Variants in GATA4 observed in about 807,000 individuals in gnomAD.
GATA4 encodes GATA binding protein 4.
GATA4 carries 7 observed loss-of-function variants against 37.9 expected under a neutral mutation model. That is an observed-to-expected ratio of 0.18 (90% CI 0.11 to 0.35). The LOEUF is 0.35. Among genes scored for constraint, GATA4 ranks in the 10% least tolerant of loss-of-function variants. The probability of loss-of-function intolerance (pLI) is 1.00; values close to 1 mark genes in which losing one functional copy is unlikely to be tolerated. For synonymous variants in GATA4, 372 were observed against 292.6 expected (o/e 1.27, Z -2.77); for missense variants, 647 against 653.0 (o/e 0.99, Z 0.10).
At chr8:11,725,096 G>C (rs907389283) in intron 2 of GATA4, among the ~76,000 whole-genome samples, 2 of 152,224 alleles carry the variant, frequency 1.3e-5, no homozygotes, top group Admixed American at 6.5e-5. Flanking sequence ...GTCATGGAAG[G>C]AGTCACGCTC....
chr8:11,705,211 G>A (rs1159271493), intron 1 of GATA4, among the ~76,000 whole-genome samples: 4 of 152,232 alleles, frequency 2.6e-5, no homozygotes, highest in Admixed American at 2.6e-4. Flanking sequence ...AGCGCCTCGG[G>A]GAAGTGTTTC....
Position 11,756,937 on chromosome 8 carries a change from C to A in GATA4, c.1003C>A (p.Pro335Thr). ...NLNKSKTPAAPSGSESLPPAS... is the reference protein window; with the variant it reads ...NLNKSKTPAATSGSESLPPAS... The stretch of plus-strand genomic sequence containing the variant: ...GTGCTGACTCTGCTTCATTCCAGCT[C>A]CTTCAGGCAGTGAGAGCCTTCCTCC... The change falls in exon 6 of 7, where the codon CCT becomes ACT. Residue 335 changes from proline to threonine, a missense_variant and splice_region_variant. Physicochemically the swap from Pro to Thr is conservative, Grantham distance 38 (BLOSUM62 -1). This residue lies in a region of GATA4 where 184 missense variants were observed against 157.1 expected (regional missense o/e 1.17). Transcript: ENST00000532059. 6.2e-7 allele frequency: 1 copy of A among 1,614,266 alleles called. No individual in the cohort carries two copies. Among genetic ancestry groups the A allele is most frequent in the Non-Finnish European group, 8.5e-7 (1 of 1,180,052 alleles).
rs926333608 is a variant in GATA4 at position 11,709,582 on chromosome 8, G to T, written c.616+654G>T. 1.3e-5 allele frequency among the ~76,000 whole-genome samples: 2 copies of T among 151,978 alleles called. No homozygotes were observed. Among genetic ancestry groups the T allele is most frequent in the African/African-American group, 2.4e-5 (1 of 41,418 alleles). ...GGCGCATCATGCGGGCAGCGGGGGG[G>T]GGGGCGCACACGCCCGGTCAGTGTC... On this transcript the variant is annotated intron_variant, in intron 2 of 6. Transcript: ENST00000532059. This position sits in a 1 kb window ranked among gnomAD's most constrained non-coding sequence, Gnocchi z 4.3.
intron 6 of GATA4, 33 bp from the exon 7 acceptor site, chr8:11,758,260 C>T: frequency 6.2e-7 from 1 of 1,613,140 alleles, no homozygotes; most frequent in South Asian, 1.1e-5. Flanking sequence ...GGAGCGTCTC[C>T]ATGGGCCTCA....
rs1227628431 is a variant in GATA4 at position 11,758,703 on chromosome 8, G to A, written c.*228G>A. ...CTGGAGGGAGCCCACCCTTCAGCAC[G>A]AGCACACTGCATCTCTCCTGTGAGT... On this transcript the variant is annotated 3_prime_UTR_variant, in exon 7 of 7. Transcript: ENST00000532059. The A allele has an allele frequency of 2.6e-5, 15 of 587,166 alleles. No individual in the cohort carries two copies. Among genetic ancestry groups the A allele is most frequent in the Admixed American group, 2.5e-4 (9 of 36,598 alleles). The allele number at this position is 587,166 out of a possible 1,614,324, so 36.4% of individuals were successfully genotyped here. A position where few individuals can be genotyped will look rare whatever the true frequency, so the allele number is the denominator to read the frequency against.
At chr8:11,740,112 G>A (rs1389547279) in intron 2 of GATA4, among the ~76,000 whole-genome samples, 2 of 152,198 alleles carry the variant, frequency 1.3e-5, no homozygotes, top group East Asian at 3.9e-4. Flanking sequence ...TTGTATCTGA[G>A]CCTGAAGCCG....
intron 1 of GATA4, chr8:11,681,190 C>G (rs551656092): frequency 1.0e-6 from 1 of 985,400 alleles, no homozygotes; most frequent in African/African-American, 1.7e-5. Flanking sequence ...AGTCACAGGC[C>G]CTGGCCCGCG....
intron 2 of GATA4, among the ~76,000 whole-genome samples, chr8:11,747,271 C>T (rs1262661495): frequency 6.6e-6 from 1 of 152,122 alleles, no homozygotes; most frequent in East Asian, 1.9e-4. Context: ...ATAGAGACTA[C>T]GGGGAGCAAG....
chr8:11,732,784 A>T (rs570715657), intron 2 of GATA4, among the ~76,000 whole-genome samples: 1 of 152,336 alleles, frequency 6.6e-6, no homozygotes, highest in African/African-American at 2.4e-5. Context: ...AGATGAAAAG[A>T]ACCCCCCAAA....
Position 11,708,736 on chromosome 8 carries a change from G to A in GATA4, c.424G>A (p.Gly142Ser), listed in dbSNP as rs1585596441. The change falls in exon 2 of 7, where the codon GGC (glycine) becomes AGC (serine). Residue 142 changes from glycine (G) to serine (S), a missense_variant. Gly to Ser is a moderately conservative substitution (Grantham distance 56). Coordinates refer to ENST00000532059, the MANE Select transcript of GATA4 (RefSeq NM_001308093.3). This position sits in a 1 kb window ranked among gnomAD's most constrained non-coding sequence, Gnocchi z 6.7. ...YSSGGGAAGA[G>S]LAGREQYGRA... ...CAGTGGCGGCGGAGCGGCGGGTGCG[G>A]GCCTGGCGGGCCGCGAGCAGTACGG... is the stretch of plus-strand genomic sequence containing the variant. The A allele has an allele frequency of 5.3e-6, 7 of 1,316,640 alleles. No homozygotes were observed. The East Asian group carries it at 1.3e-4, about 24-fold the overall frequency. The allele number at this position is 1,316,640 out of a possible 1,614,324, so 81.6% of individuals were successfully genotyped here.
At chr8:11,680,129 C>T (rs1165643630) in intron 1 of GATA4, among the ~76,000 whole-genome samples, 1 of 152,236 alleles carries the variant, frequency 6.6e-6, no homozygotes, top group East Asian at 1.9e-4. Flanking sequence ...GCGCAGCCCG[C>T]GGGGAAAACA....
upstream of GATA4, among the ~76,000 whole-genome samples, chr8:11,703,072 T>G (rs1247026636): frequency 6.6e-6 from 1 of 152,164 alleles, no homozygotes; most frequent in Non-Finnish European, 1.5e-5. Context: ...GTTCCCAGCC[T>G]GCTTTCGGAG....
intron 1 of GATA4, among the ~76,000 whole-genome samples, chr8:11,706,346 C>T (rs1799889598): frequency 1.3e-5 from 2 of 152,190 alleles, no homozygotes; most frequent in East Asian, 1.9e-4. Context: ...ATAGTATATA[C>T]ATTTGAGGTA....
At chr8:11,726,424 C>T (rs79552794) in intron 2 of GATA4, among the ~76,000 whole-genome samples, 2,497 of 152,256 alleles carry the variant, frequency 0.016, 30 homozygotes, top group Middle Eastern at 0.071. Context: ...GGTAGTAACA[C>T]GGGAACAGGG....
chr8:11,691,322 A>G (rs1456295705), upstream of GATA4, among the ~76,000 whole-genome samples: 1 of 152,170 alleles, frequency 6.6e-6, no homozygotes, highest in African/African-American at 2.4e-5. Flanking sequence ...ACCCTAAGAG[A>G]TAAGGCCTCA....
chr8:11,739,888 G>T (rs1801645182), intron 2 of GATA4, among the ~76,000 whole-genome samples: 1 of 152,196 alleles, frequency 6.6e-6, no homozygotes, highest in South Asian at 2.1e-4. Flanking sequence ...GACCCAGCTT[G>T]CAGGTTTTAA....
At chr8:11,714,579 T>C (rs10105409) in intron 2 of GATA4, among the ~76,000 whole-genome samples, 7,663 of 152,192 alleles carry the variant, frequency 0.05, 645 homozygotes, top group African/African-American at 0.18. Flanking sequence ...TGGTCTGTGG[T>C]GCTAAGCTGA....
intron 1 of GATA4, among the ~76,000 whole-genome samples, chr8:11,685,842 C>T (rs1022241894): frequency 3.3e-5 from 5 of 152,086 alleles, no homozygotes; most frequent in Admixed American, 3.3e-4. Flanking sequence ...ATGGGGGATG[C>T]TGCAAATAGA....
upstream of GATA4, among the ~76,000 whole-genome samples, chr8:11,688,984 G>A (rs1380085237): frequency 3.3e-5 from 5 of 152,264 alleles, no homozygotes; most frequent in Middle Eastern, 3.4e-3. Context: ...CAGAAAGGTC[G>A]GTTTACCTTA....
Sources: gnomAD v4.1 joint callset for allele counts (sites outside exome capture counted in the v4.1 genomes callset) on GRCh38, gnomAD v4.1.1 for gene constraint, gnomAD v4.1.1 regional missense constraint, Gnocchi (gnomAD v3.1) non-coding constraint, MANE v1.5 for transcripts, NCBI Gene and HGNC (gene_info 2026-07-23, HGNC 2026-07-21) for gene names.